The following SCAPER variants were observed in gnomAD, a reference collection of about 807,000 sequenced individuals.
The protein encoded by SCAPER is S phase cyclin A-associated protein in the endoplasmic reticulum.
In SCAPER, 98 loss-of-function variants were observed where a neutral mutation model predicts 182.2. The ratio of observed to expected loss-of-function variants is 0.54; its 90% CI spans 0.46 to 0.64. The LOEUF is 0.64. SCAPER is among the 30% of genes least tolerant of loss of function. The probability of loss-of-function intolerance (pLI) is 0.00; values close to 1 mark genes in which losing one functional copy is unlikely to be tolerated. For synonymous variants in SCAPER, 605 were observed against 564.6 expected, an observed-to-expected ratio of 1.07 and a Z score of -1.01; for missense variants, 1,432 against 1,690.0, an observed-to-expected ratio of 0.85 and a Z score of 2.68.
rs748491556 is a variant in SCAPER at position 76,800,258 on chromosome 15, A to G, written c.601T>C (p.Leu201=). ...CTTAGTTCATCTCACCCAAAATTTA[A>G]GCTTCGTCGAGCATTTGATGTTACA... ...INVTSNARRS[L]NFGGSTGTVP... Residue 201 remains leucine (L), a synonymous_variant, in exon 7 of 32, where the codon TTA becomes CTA. Transcript: ENST00000563290. 2 of 1,606,322 alleles carry G rather than the reference A, an allele frequency of 1.2e-6. No homozygotes were observed. Among genetic ancestry groups the G allele is most frequent in the South Asian group, 2.2e-5 (2 of 90,490 alleles).
chr15:76,886,438 C>T (rs2073843904), intron 1 of SCAPER, among the ~76,000 whole-genome samples: 1 of 152,090 alleles, frequency 6.6e-6, no homozygotes, highest in Non-Finnish European at 1.5e-5. Flanking sequence ...CAAGGTTGTG[C>T]CACTGCACTC....
At position 76,544,259 on chromosome 15, in the gene SCAPER, G is replaced by A. The variant is rs1460432641; in HGVS notation, c.2838+29899C>T. Reference sequence around the variant, plus strand: ...ACAGGTGCTTTGGAAAAATTTGCCAGTTTCTTGCAAGTTTAGTACAGAATT... The same window carrying A: ...ACAGGTGCTTTGGAAAAATTTGCCAATTTCTTGCAAGTTTAGTACAGAATT... On this transcript the variant is annotated intron_variant, in intron 23 of 31. Coordinates refer to ENST00000563290, the MANE Select transcript of SCAPER (RefSeq NM_020843.4). 2.0e-5 allele frequency among the ~76,000 whole-genome samples: 3 copies of A among 152,260 alleles called. No individual in the cohort carries two copies. The East Asian group carries it at 5.8e-4, about 29-fold the overall frequency.
chr15:76,793,563 G>T (rs2065135783), intron 8 of SCAPER, among the ~76,000 whole-genome samples: 1 of 152,222 alleles, frequency 6.6e-6, no homozygotes, highest in South Asian at 2.1e-4. Context: ...CAGGGTTAGG[G>T]AATGTCTGGA....
In SCAPER at chr15:76,673,376, T is replaced by C. The variant is rs139045936; in HGVS notation, c.2509-7587A>G. ...AGATTTATCATCGTGTTACTATTTT[T>C]AAAAGATGGGGAGAATGGGGAAAAC... On this transcript the variant is annotated intron_variant, in intron 20 of 31. Transcript: ENST00000563290. 4.6e-5 allele frequency among the ~76,000 whole-genome samples: 7 copies of C among 152,200 alleles called. No homozygotes were observed. The East Asian group carries it at 1.4e-3, about 29-fold the overall frequency.
intron 27 of SCAPER, among the ~76,000 whole-genome samples, chr15:76,390,099 GGCATAT>G (rs1160966897): frequency 6.6e-6 from 1 of 152,106 alleles, no homozygotes; most frequent in African/African-American, 2.4e-5. Context: ...TGGGACTACA[GGCATAT>G]GCTACTACAC....
intron 22 of SCAPER, among the ~76,000 whole-genome samples, chr15:76,620,692 T>G (rs1306181147): frequency 6.6e-6 from 1 of 152,224 alleles, no homozygotes; most frequent in Non-Finnish European, 1.5e-5. Context: ...AAATTGTTTC[T>G]TGACTTTTTC....
chr15:76,507,405 G>T (rs546429293), intron 23 of SCAPER, among the ~76,000 whole-genome samples: 1 of 152,204 alleles, frequency 6.6e-6, no homozygotes. Flanking sequence ...CCAGTCTGTG[G>T]CACTTTCTTA....
intron 20 of SCAPER, among the ~76,000 whole-genome samples, chr15:76,688,230 A>T (rs528482923): frequency 2.2e-4 from 34 of 152,274 alleles, no homozygotes; most frequent in African/African-American, 8.2e-4. Flanking sequence ...GGCTGCATAA[A>T]TGTCTTCTTT....
rs182214574 is a variant in SCAPER, at chr15:76,504,988, C to G, written c.2839-14G>C. On this transcript the variant is annotated splice_polypyrimidine_tract_variant and intron_variant, in intron 23 of 31. Coordinates refer to ENST00000563290, the MANE Select transcript of SCAPER (RefSeq NM_020843.4). ...ATCTGCCACATTCTAGACAGAAATA[C>G]AAACAGAAGTTAGCCCAATTTCCCA... 652 of 1,601,330 alleles carry G rather than the reference C, an allele frequency of 4.1e-4. 4 individuals carry two copies. The African/African-American group carries it at 8.0e-3, about 20-fold the overall frequency.
intron 2 of SCAPER, among the ~76,000 whole-genome samples, chr15:76,869,868 TAAAGAA>T (rs917459173): frequency 1.6e-4 from 24 of 152,088 alleles, no homozygotes; most frequent in Admixed American, 8.5e-4. Flanking sequence ...AACAGATGAA[TAAAGAA>T]AAAGTATTAC....
chr15:76,594,291 G>A (rs2049339640), intron 22 of SCAPER, among the ~76,000 whole-genome samples: 1 of 119,986 alleles, frequency 8.3e-6, no homozygotes, highest in African/African-American at 2.5e-5. Flanking sequence ...AGAATAGAAA[G>A]GAATGAACAA....
chr15:76,891,312 C>A (rs906900452), intron 1 of SCAPER, among the ~76,000 whole-genome samples: 2 of 152,160 alleles, frequency 1.3e-5, no homozygotes, highest in Non-Finnish European at 2.9e-5. Flanking sequence ...GTTGGAAATT[C>A]TGGCCAGAGC....
At chr15:76,626,611 G>C (rs1165758264) in intron 21 of SCAPER, among the ~76,000 whole-genome samples, 2 of 152,214 alleles carry the variant, frequency 1.3e-5, no homozygotes, top group African/African-American at 2.4e-5. Context: ...CAGCTAATTA[G>C]GTGGCTGAAG....
At chr15:76,694,005 T>C (rs2058518469) in intron 20 of SCAPER, among the ~76,000 whole-genome samples, 1 of 152,112 alleles carries the variant, frequency 6.6e-6, no homozygotes, top group Non-Finnish European at 1.5e-5. Flanking sequence ...CTTTGTATTT[T>C]ACTTTGAAAT....
rs756109406 is a variant in SCAPER, at chr15:76,558,947, G to A, written c.2838+15211C>T. ...ATTGTAATACCCAATATCCCCACGT[G>A]TCAAGGGAGAGGCCAGGTGGAGGTA... On this transcript the variant is annotated intron_variant, in intron 23 of 31. Transcript: ENST00000563290. Among the ~76,000 whole-genome samples the A allele has an allele frequency of 1.8e-4, 27 of 152,124 alleles. 1 individual carries two copies. Among genetic ancestry groups the A allele is most frequent in the Admixed American group, 1.1e-3 (17 of 15,270 alleles).
chr15:76,407,543 CTTGTT>C (rs1174224238), intron 26 of SCAPER, among the ~76,000 whole-genome samples: 1 of 152,060 alleles, frequency 6.6e-6, no homozygotes, highest in Non-Finnish European at 1.5e-5. Context: ...AGAGTGAAAA[CTTGTT>C]TTTTTCTGAT....
At position 76,724,034 on chromosome 15, in the gene SCAPER, T is replaced by C. The variant is rs190834415; in HGVS notation, c.2165+4561A>G. The stretch of plus-strand genomic sequence containing the variant: ...TCCTAGCCTTGATGGTCTTTACAAT[T>C]TGACATGTTTTTGCAGTGGGTGGTA... On this transcript the variant is annotated intron_variant, in intron 17 of 31. Coordinates refer to ENST00000563290, the MANE Select transcript of SCAPER (RefSeq NM_020843.4). Among the ~76,000 whole-genome samples, 4 of 152,338 alleles carry C rather than the reference T, an allele frequency of 2.6e-5. No individual in the cohort carries two copies. In the East Asian group the frequency reaches 7.7e-4, roughly 29 times the overall value.
intron 10 of SCAPER, among the ~76,000 whole-genome samples, chr15:76,771,488 T>C (rs1318274029): frequency 2.6e-5 from 4 of 152,120 alleles, no homozygotes; most frequent in Non-Finnish European, 4.4e-5. Flanking sequence ...CTAAGAGCAT[T>C]TGATCAAATC....
intron 23 of SCAPER, among the ~76,000 whole-genome samples, chr15:76,567,064 T>C (rs898662343): frequency 4.6e-5 from 7 of 152,162 alleles, no homozygotes; most frequent in African/African-American, 1.7e-4. Flanking sequence ...ATTTTCTTTA[T>C]AGTTTTACCA....
Sources: allele counts gnomAD v4.1 joint callset (sites outside exome capture counted in the v4.1 genomes callset), GRCh38; gene constraint gnomAD v4.1.1; transcripts MANE v1.5; gene names NCBI Gene and HGNC (gene_info 2026-07-23, HGNC 2026-07-21).